Variants in LIPC observed in about 807,000 individuals in gnomAD.
The protein encoded by LIPC is lipase C, hepatic type.
Under a neutral mutation model 50.7 loss-of-function variants are expected in LIPC, and 44 were observed. The ratio of observed to expected loss-of-function variants is 0.87; its 90% CI spans 0.68 to 1.11. LIPC has a LOEUF of 1.11. Ranked by LOEUF, LIPC falls within the 50% of genes most tolerant of loss-of-function variation. The pLI is 0.00. For missense variants in LIPC, 697 were observed against 648.2 expected, an observed-to-expected ratio of 1.08 and a Z score of -0.82; for synonymous variants, 271 against 256.4, an observed-to-expected ratio of 1.06 and a Z score of -0.54.
chr15:58,533,398 T>C (rs1893013923), intron 1 of LIPC, among the ~76,000 whole-genome samples: 1 of 152,230 alleles, frequency 6.6e-6, no homozygotes, highest in South Asian at 2.1e-4. Context: ...AATTTGAATA[T>C]ATATGTATAT....
chr15:58,492,860 T>C (rs781581557), intron 1 of LIPC, among the ~76,000 whole-genome samples: 1 of 152,202 alleles, frequency 6.6e-6, no homozygotes, highest in African/African-American at 2.4e-5. Context: ...CTTTTCCTCC[T>C]GACAGCTGGC....
At chr15:58,492,912 CATCAG>C (rs1435567002) in intron 1 of LIPC, among the ~76,000 whole-genome samples, 1 of 152,176 alleles carries the variant, frequency 6.6e-6, no homozygotes, top group Non-Finnish European at 1.5e-5. Context: ...TGCAGGATTA[CATCAG>C]AGCTTATTTT....
At chr15:58,451,714 G>A (rs1182028531) in intron 1 of LIPC, among the ~76,000 whole-genome samples, 1 of 152,200 alleles carries the variant, frequency 6.6e-6, no homozygotes, top group African/African-American at 2.4e-5. Flanking sequence ...TGGAGGAGGA[G>A]ATGCCAGCAG....
rs150269563 is a variant in LIPC at position 58,546,803 on chromosome 15, C to T, written c.808+828C>T. On this transcript the variant is annotated intron_variant, in intron 5 of 8. Coordinates refer to ENST00000299022, the MANE Select transcript of LIPC (RefSeq NM_000236.3). Reference sequence around the variant, plus strand: ...CTGAGAACACACTCTCTTGTGATGACACCATCCTCGCCTCTCCAATATCAG... The same window carrying T: ...CTGAGAACACACTCTCTTGTGATGATACCATCCTCGCCTCTCCAATATCAG... Among the ~76,000 whole-genome samples the T allele has an allele frequency of 1.4e-4, 21 of 152,322 alleles. No homozygotes were observed. In the East Asian group the frequency reaches 3.9e-3, roughly 28 times the overall value.
At chr15:58,561,571 G>T (rs920856129) in intron 7 of LIPC, among the ~76,000 whole-genome samples, 4 of 152,200 alleles carry the variant, frequency 2.6e-5, no homozygotes, top group African/African-American at 9.6e-5. Flanking sequence ...TTCTCTCCCA[G>T]ATCAGTGAAA....
At chr15:58,516,980 A>T (rs1252466266) in intron 1 of LIPC, among the ~76,000 whole-genome samples, 1 of 152,216 alleles carries the variant, frequency 6.6e-6, no homozygotes, top group Non-Finnish European at 1.5e-5. Context: ...GGTGCAGTTA[A>T]ATTACTTGGA....
intron 6 of LIPC, among the ~76,000 whole-genome samples, chr15:58,558,812 A>G (rs1422449458): frequency 6.6e-6 from 1 of 152,244 alleles, no homozygotes; most frequent in Non-Finnish European, 1.5e-5. Context: ...TACCTGAGCT[A>G]GCTCTTATCT....
chr15:58,450,539 T>C (rs1412761355), intron 1 of LIPC, among the ~76,000 whole-genome samples: 1 of 152,206 alleles, frequency 6.6e-6, no homozygotes, highest in African/African-American at 2.4e-5. Context: ...CAGTGAACAA[T>C]GTGCAATTTA....
intron 1 of LIPC, among the ~76,000 whole-genome samples, chr15:58,486,932 A>G (rs745463980): frequency 2.6e-5 from 4 of 152,234 alleles, no homozygotes; most frequent in Admixed American, 2.0e-4. Context: ...TGGCTCCACT[A>G]GAAGTGCCAC....
rs371853675 is a variant in LIPC, at chr15:58,548,337, C to T, written c.816C>T (p.Thr272=). The change falls in exon 6 of 9, where the codon ACC becomes ACT. Residue 272 remains threonine, a synonymous_variant. Coordinates refer to ENST00000299022, the MANE Select transcript of LIPC (RefSeq NM_000236.3). ...HIAQHGFNAI[T]QTIKCSHERS... is the part of the protein sequence containing the mutation. ...TCTTGCCCTGTGTTCCAGCCATCAC[C>T]CAGACCATAAAATGCTCCCACGAGC... 1.9e-6 allele frequency: 3 copies of T among 1,613,968 alleles called. No individual in the cohort carries two copies. The highest frequency in any genetic ancestry group is 1.7e-5 in the Admixed American group (1 of 59,998).
intron 1 of LIPC, among the ~76,000 whole-genome samples, chr15:58,535,831 T>A (rs747885630): frequency 6.6e-6 from 1 of 152,202 alleles, no homozygotes; most frequent in Non-Finnish European, 1.5e-5. Context: ...CTCTTAACAT[T>A]TGAGGCAGCT....
intron 8 of LIPC, 46 bp downstream of exon 8, chr15:58,563,769 T>C (rs766605592): frequency 1.7e-5 from 25 of 1,489,732 alleles, no homozygotes; most frequent in African/African-American, 4.2e-5. Context: ...AAGCACCCAC[T>C]TGTGCCAGGC....
At chr15:58,565,503 G>T in intron 8 of LIPC, 1 of 1,378,142 alleles carries the variant, frequency 7.3e-7, no homozygotes, top group African/African-American at 1.5e-5. Flanking sequence ...TGAAGCAGGT[G>T]CTCCATGGCA....
At chr15:58,551,514 A>C (rs1162629403) in intron 6 of LIPC, among the ~76,000 whole-genome samples, 3 of 152,184 alleles carry the variant, frequency 2.0e-5, no homozygotes, top group Non-Finnish European at 2.9e-5. Flanking sequence ...GAGAACACAG[A>C]AATAAAACAT....
intron 1 of LIPC, among the ~76,000 whole-genome samples, chr15:58,482,969 G>A (rs1358786615): frequency 6.6e-6 from 1 of 152,176 alleles, no homozygotes; most frequent in Non-Finnish European, 1.5e-5. Context: ...CAGCCTTATA[G>A]CGTCAGTCAG....
rs148116975 is a variant in LIPC at position 58,502,026 on chromosome 15, G to A, written c.89-36307G>A. Among the ~76,000 whole-genome samples, 277 of 152,266 alleles carry A rather than the reference G, an allele frequency of 1.8e-3. 1 individual carries two copies. Among genetic ancestry groups the A allele is most frequent in the African/African-American group, 6.3e-3 (261 of 41,546 alleles). On this transcript the variant is annotated intron_variant, in intron 1 of 8. Transcript: ENST00000299022. The stretch of plus-strand genomic sequence containing the variant: ...ATGGGATGCTTGAGATGCGTGGGCC[G>A]AGGGTGAGGCTGCAGCCAAAGATGC...
At chr15:58,447,584 G>A (rs1893745023) in intron 1 of LIPC, among the ~76,000 whole-genome samples, 1 of 152,228 alleles carries the variant, frequency 6.6e-6, no homozygotes, top group Admixed American at 6.5e-5. Context: ...TCACCACAAT[G>A]CTCAGGACCT....
At chr15:58,438,731 A>G (rs547708303) in intron 1 of LIPC, among the ~76,000 whole-genome samples, 1 of 152,356 alleles carries the variant, frequency 6.6e-6, no homozygotes, top group East Asian at 1.9e-4. Context: ...AAACATGGTC[A>G]CAAAGTAGCG....
intron 8 of LIPC, among the ~76,000 whole-genome samples, chr15:58,567,523 G>C (rs1317403706): frequency 6.6e-6 from 1 of 151,200 alleles, no homozygotes; most frequent in Non-Finnish European, 1.5e-5. Context: ...ATGCACAAAG[G>C]CTATATATGA....
Sources: gnomAD v4.1 joint callset for allele counts (sites outside exome capture counted in the v4.1 genomes callset) on GRCh38, gnomAD v4.1.1 for gene constraint, MANE v1.5 for transcripts, NCBI Gene and HGNC (gene_info 2026-07-23, HGNC 2026-07-21) for gene names.